Variants in DOCK2 observed in about 807,000 individuals in gnomAD.
DOCK2 encodes dedicator of cytokinesis protein 2.
In DOCK2, 87 loss-of-function variants were observed where a neutral mutation model predicts 248.9. The ratio of observed to expected loss-of-function variants is 0.35; its 90% CI spans 0.29 to 0.42. DOCK2 has a LOEUF of 0.42. Ranked by LOEUF, DOCK2 falls within the 10% of genes least tolerant of loss-of-function variation. The pLI, the probability that DOCK2 is intolerant of heterozygous loss-of-function variation, is 1.00. For synonymous variants in DOCK2, 805 were observed against 821.6 expected (o/e 0.98, Z 0.35); for missense variants, 1,747 against 2,300.2 (o/e 0.76, Z 4.92).
intron 28 of DOCK2, 120 bp downstream of exon 28, chr5:169,983,286 T>C: frequency 2.9e-6 from 3 of 1,043,216 alleles, no homozygotes; most frequent in Non-Finnish European, 4.3e-6. Flanking sequence ...TAACCAATAT[T>C]TGTTGATGAA....
intron 25 of DOCK2, among the ~76,000 whole-genome samples, chr5:169,791,134 T>C (rs1404390555): frequency 1.3e-5 from 2 of 152,176 alleles, no homozygotes; most frequent in East Asian, 1.9e-4. Flanking sequence ...CAGCAAACAC[T>C]CACTCATTCA....
intron 2 of DOCK2, among the ~76,000 whole-genome samples, chr5:169,666,321 G>A (rs1388364276): frequency 2.0e-5 from 3 of 152,148 alleles, no homozygotes; most frequent in Non-Finnish European, 4.4e-5. Flanking sequence ...TGTCAGAATT[G>A]CAACATACGA....
At chr5:169,717,749 G>C (rs144731569) in intron 21 of DOCK2, among the ~76,000 whole-genome samples, 65 of 152,294 alleles carry the variant, frequency 4.3e-4, no homozygotes, top group African/African-American at 1.5e-3. Flanking sequence ...CATTTCTTGA[G>C]TGGACACCAG....
intron 26 of DOCK2, among the ~76,000 whole-genome samples, chr5:169,837,993 G>A (rs1317870168): frequency 8.6e-6 from 1 of 115,674 alleles, no homozygotes; most frequent in Non-Finnish European, 1.8e-5. Context: ...ATGTAATCCT[G>A]GAAAAAAAAT....
intron 27 of DOCK2, among the ~76,000 whole-genome samples, chr5:169,919,384 G>A (rs1326985884): frequency 2.0e-5 from 3 of 152,084 alleles, no homozygotes; most frequent in Non-Finnish European, 4.4e-5. Flanking sequence ...GAAATAAATG[G>A]CTGGACACAA....
At position 169,699,997 on chromosome 5, in the gene DOCK2, G is replaced by A. The variant is rs1282914382; in HGVS notation, c.1133-17G>A. The A allele has an allele frequency of 6.2e-7, 1 of 1,613,108 alleles. No individual in the cohort carries two copies. Among genetic ancestry groups the A allele is most frequent in the Non-Finnish European group, 8.5e-7 (1 of 1,179,408 alleles). ...CTTGCAAAAGTGGGCTCTTCACGGT[G>A]AGCTGTTCCTTTGCAGGCCTCTGGG... On this transcript the variant is annotated splice_polypyrimidine_tract_variant and intron_variant, in intron 12 of 51. Transcript: ENST00000520908.
At chr5:169,987,557 T>G (rs1214920560) in intron 29 of DOCK2, among the ~76,000 whole-genome samples, 8 of 152,202 alleles carry the variant, frequency 5.3e-5, no homozygotes, top group Non-Finnish European at 8.8e-5. Context: ...CAACTTCCCC[T>G]TCTGAGCTGT....
chr5:169,792,109 T>A (rs1766374853), intron 25 of DOCK2, among the ~76,000 whole-genome samples: 1 of 152,134 alleles, frequency 6.6e-6, no homozygotes, highest in Non-Finnish European at 1.5e-5. Flanking sequence ...TATGGTGTGA[T>A]GTAAATGAGA....
chr5:170,071,499 T>C (rs1157990411), intron 46 of DOCK2, among the ~76,000 whole-genome samples: 2 of 152,256 alleles, frequency 1.3e-5, no homozygotes, highest in East Asian at 3.8e-4. Flanking sequence ...GATCGATAGC[T>C]TGTTAATTTA....
At chr5:169,674,577 A>G in intron 6 of DOCK2, 132 bp downstream of exon 6, 1 of 1,389,394 alleles carries the variant, frequency 7.2e-7, no homozygotes, top group South Asian at 1.4e-5. Context: ...GTTGTGACCA[A>G]TGGCTGTGCT....
At chr5:169,762,581 C>T (rs1764550830) in intron 25 of DOCK2, among the ~76,000 whole-genome samples, 1 of 152,190 alleles carries the variant, frequency 6.6e-6, no homozygotes, top group Non-Finnish European at 1.5e-5. Context: ...TCTAGGAATG[C>T]TCTGCATGCC....
chr5:169,942,169 A>C (rs879665165), intron 27 of DOCK2, among the ~76,000 whole-genome samples: 1 of 152,246 alleles, frequency 6.6e-6, no homozygotes, highest in Non-Finnish European at 1.5e-5. Context: ...GAAAGTCTGT[A>C]GCATATCTTA....
At chr5:170,041,952 A>T in intron 37 of DOCK2, 61 bp from the exon 38 acceptor site, 1 of 1,586,272 alleles carries the variant, frequency 6.3e-7, no homozygotes, top group Non-Finnish European at 8.6e-7. Flanking sequence ...TAATCCTAGG[A>T]AGACACCTGC....
chr5:169,737,412 G>A (rs1166805536), intron 22 of DOCK2, among the ~76,000 whole-genome samples: 1 of 152,160 alleles, frequency 6.6e-6, no homozygotes, highest in Non-Finnish European at 1.5e-5. Context: ...ATGGGGAGCT[G>A]TGATATTATG....
At chr5:169,672,202 T>C (rs1469930579) in intron 5 of DOCK2, among the ~76,000 whole-genome samples, 2 of 151,878 alleles carry the variant, frequency 1.3e-5, no homozygotes, top group South Asian at 2.1e-4. Flanking sequence ...GAGATGGGGT[T>C]TCATCATGTT....
chr5:170,066,561 A>G (rs74935119), intron 44 of DOCK2, among the ~76,000 whole-genome samples: 6,516 of 152,344 alleles, frequency 0.043, 232 homozygotes, highest in African/African-American at 0.096. Context: ...ACAGACATAT[A>G]CAGAACAATC....
rs56969878 is a variant in DOCK2, at chr5:169,792,451, A to ATGTGTGTGTGTGTG, written c.2555-10600_2555-10587dup. On this transcript the variant is annotated intron_variant, in intron 25 of 51. Coordinates refer to ENST00000520908, the MANE Select transcript of DOCK2 (RefSeq NM_004946.3). The stretch of plus-strand genomic sequence containing the variant: ...GTATATGTGTACATATATTTTATAT[A>ATGTGTGTGTGTGTG]TGTGTGTGTGTGTGTGTGTGCATAT... 2.4e-3 allele frequency among the ~76,000 whole-genome samples: 363 copies of ATGTGTGTGTGTGTG among 149,306 alleles called. 12 individuals carry two copies. The East Asian group carries it at 0.056, about 23-fold the overall frequency.
At chr5:169,881,359 G>T (rs1407183672) in intron 27 of DOCK2, 15 of 1,550,440 alleles carry the variant, frequency 9.7e-6, no homozygotes, top group Non-Finnish European at 9.6e-6. Context: ...CTCGCTTGTG[G>T]CCAGGTACCT....
At chr5:169,902,163 G>C (rs1773964684) in intron 27 of DOCK2, among the ~76,000 whole-genome samples, 1 of 152,212 alleles carries the variant, frequency 6.6e-6, no homozygotes, top group African/African-American at 2.4e-5. Flanking sequence ...AAAGGTCAAG[G>C]AAAGTCCAGG....
Sources: allele counts gnomAD v4.1 joint callset (sites outside exome capture counted in the v4.1 genomes callset), GRCh38; gene constraint gnomAD v4.1.1; transcripts MANE v1.5; gene names NCBI Gene and HGNC (gene_info 2026-07-23, HGNC 2026-07-21).